Variants in LRBA observed in about 807,000 individuals in gnomAD.
The protein encoded by LRBA is LPS responsive beige-like anchor protein, also known as lipopolysaccharide-responsive and beige-like anchor protein.
A neutral mutation model predicts 330.0 loss-of-function variants in LRBA; 176 were observed. The ratio of observed to expected loss-of-function variants is 0.53; its 90% CI spans 0.47 to 0.60. The LOEUF (loss-of-function observed/expected upper bound fraction) is 0.60, where lower values mean the gene tolerates loss of function less well. Among genes scored for constraint, LRBA ranks in the 20% least tolerant of loss-of-function variants. The pLI is 0.00. For synonymous variants in LRBA, 1,230 were observed against 1,193.0 expected (o/e 1.03, Z -0.64); for missense variants, 3,259 against 3,444.8 (o/e 0.95, Z 1.35).
intron 41 of LRBA, among the ~76,000 whole-genome samples, chr4:150,488,755 G>GTATATTAAATAT (rs1363634439): frequency 1.2e-5 from 1 of 80,844 alleles, no homozygotes; most frequent in East Asian, 3.3e-4. Flanking sequence ...AATATTTAAA[G>GTATATTAAATAT]CCAAAAAAAA....
intron 47 of LRBA, among the ~76,000 whole-genome samples, chr4:150,382,167 T>C (rs1010621541): frequency 4.2e-4 from 64 of 152,328 alleles, no homozygotes; most frequent in Non-Finnish European, 4.9e-4. Context: ...TTTGGTACTG[T>C]ATATAGGAAG....
At chr4:150,381,969 G>A (rs1294858581) in intron 47 of LRBA, among the ~76,000 whole-genome samples, 5 of 152,170 alleles carry the variant, frequency 3.3e-5, no homozygotes. Flanking sequence ...TGGGAGGAAT[G>A]TCTATTCAAA....
chr4:150,779,788 A>G (rs1737917110), intron 34 of LRBA, among the ~76,000 whole-genome samples: 1 of 152,158 alleles, frequency 6.6e-6, no homozygotes, highest in Non-Finnish European at 1.5e-5. Flanking sequence ...GTAATTCCAA[A>G]AAGTAATTAC....
intron 2 of LRBA, among the ~76,000 whole-genome samples, chr4:150,937,844 T>G (rs1735246544): frequency 6.6e-6 from 1 of 152,152 alleles, no homozygotes; most frequent in Admixed American, 6.5e-5. Flanking sequence ...AATAAAATAC[T>G]TTAAGCTGAC....
intron 47 of LRBA, among the ~76,000 whole-genome samples, chr4:150,389,244 C>T (rs1042679089): frequency 1.4e-4 from 21 of 151,944 alleles, no homozygotes; most frequent in African/African-American, 4.8e-4. Flanking sequence ...GTAGTCCCAG[C>T]TCAGGAGGCT....
At chr4:150,535,481 C>T (rs961727832) in intron 40 of LRBA, among the ~76,000 whole-genome samples, 2 of 152,174 alleles carry the variant, frequency 1.3e-5, no homozygotes, top group Non-Finnish European at 2.9e-5. Flanking sequence ...TTGATTTTCT[C>T]TCCTTCTTTG....
chr4:150,505,253 C>T (rs1213264952), intron 40 of LRBA, among the ~76,000 whole-genome samples: 1 of 152,186 alleles, frequency 6.6e-6, no homozygotes, highest in East Asian at 1.9e-4. Flanking sequence ...CAGAACTCTC[C>T]ACCCCAAATC....
chr4:150,463,602 G>A (rs1374308318), intron 44 of LRBA, among the ~76,000 whole-genome samples: 2 of 151,762 alleles, frequency 1.3e-5, no homozygotes, highest in Admixed American at 6.6e-5. Context: ...ATCATCTACT[G>A]GGGCATAAGG....
chr4:150,550,685 C>T lies in LRBA; in HGVS notation c.6330+37363G>A, dbSNP rs574827166. Among the ~76,000 whole-genome samples, 53 of 152,248 alleles carry T rather than the reference C, an allele frequency of 3.5e-4. No homozygotes were observed. The South Asian group carries it at 0.01, about 30-fold the overall frequency. ...CAGTGGTTTAGTTTTAAATGGTTGT[C>T]CCCAAAATATGATGAGTTAGAAATT... On this transcript the variant is annotated intron_variant, in intron 40 of 56. Transcript: ENST00000651943.
intron 44 of LRBA, among the ~76,000 whole-genome samples, chr4:150,462,926 G>T (rs1393390692): frequency 6.6e-6 from 1 of 151,830 alleles, no homozygotes; most frequent in Non-Finnish European, 1.5e-5. Context: ...TTATATATGA[G>T]ATGTATTCTT....
At chr4:150,620,427 C>T (rs751457661) in intron 37 of LRBA, among the ~76,000 whole-genome samples, 13 of 152,104 alleles carry the variant, frequency 8.5e-5, no homozygotes, top group Non-Finnish European at 1.5e-4. Flanking sequence ...AGTAGGTCTA[C>T]CATTCAATCA....
chr4:150,499,479 C>T (rs1581497392), intron 40 of LRBA, among the ~76,000 whole-genome samples: 2 of 151,964 alleles, frequency 1.3e-5, no homozygotes, highest in Admixed American at 1.3e-4. Flanking sequence ...CCCATCTCTA[C>T]AAAAAATAAA....
chr4:150,638,352 T>C (rs1375333304), intron 37 of LRBA, among the ~76,000 whole-genome samples: 1 of 152,214 alleles, frequency 6.6e-6, no homozygotes, highest in Admixed American at 6.5e-5. Flanking sequence ...TATCAATTTC[T>C]CTTTAATTTC....
intron 23 of LRBA, 96 bp from the exon 24 acceptor site, chr4:150,850,998 A>G: frequency 9.7e-6 from 8 of 822,920 alleles, no homozygotes; most frequent in Non-Finnish European, 1.1e-5. Flanking sequence ...CAATTCATCT[A>G]ACACGTTTTT....
At chr4:150,786,123 TATCAGCCATTGTTCC>T (rs374000154) in intron 34 of LRBA, among the ~76,000 whole-genome samples, 12 of 152,342 alleles carry the variant, frequency 7.9e-5, no homozygotes, top group African/African-American at 2.9e-4. Flanking sequence ...TAGGCATAGT[TATCAGCCATTGTTCC>T]AGAGGTCACA....
chr4:150,807,893 G>T (rs907545538), intron 32 of LRBA, among the ~76,000 whole-genome samples: 24 of 152,098 alleles, frequency 1.6e-4, no homozygotes, highest in African/African-American at 5.5e-4. Flanking sequence ...CAAGTAATCC[G>T]CCTGCCTCAG....
At chr4:150,409,031 G>A (rs941015181) in intron 47 of LRBA, among the ~76,000 whole-genome samples, 4 of 151,974 alleles carry the variant, frequency 2.6e-5, no homozygotes, top group Non-Finnish European at 5.9e-5. Flanking sequence ...TCAGAAGGTG[G>A]CCTTATATGA....
chr4:150,426,776 T>C (rs943529259), intron 46 of LRBA, among the ~76,000 whole-genome samples: 1 of 151,928 alleles, frequency 6.6e-6, no homozygotes, highest in Admixed American at 6.6e-5. Flanking sequence ...TGAGACTTAA[T>C]ACTTCCTGCC....
chr4:150,408,520 A>G (rs1746513606), intron 47 of LRBA, among the ~76,000 whole-genome samples: 1 of 152,198 alleles, frequency 6.6e-6, no homozygotes, highest in Admixed American at 6.5e-5. Flanking sequence ...GGAAGAAGGA[A>G]CACTGCCATG....
Sources: allele counts gnomAD v4.1 joint callset (sites outside exome capture counted in the v4.1 genomes callset), GRCh38; gene constraint gnomAD v4.1.1; transcripts MANE v1.5; gene names NCBI Gene and HGNC (gene_info 2026-07-23, HGNC 2026-07-21).